The following SH2B2 variants were observed in gnomAD, a reference collection of about 807,000 sequenced individuals.
The protein encoded by SH2B2 is SH2B adaptor protein 2.
A neutral mutation model predicts 35.7 loss-of-function variants in SH2B2; 37 were observed. That is an observed-to-expected ratio of 1.04 (90% confidence interval 0.80 to 1.36). The LOEUF is 1.36. Ranked by LOEUF, SH2B2 falls within the 40% of genes most tolerant of loss-of-function variation. SH2B2 has a pLI of 0.00. For missense variants in SH2B2, 852 were observed against 817.7 expected (o/e 1.04, Z -0.51); for synonymous variants, 383 against 376.4 (o/e 1.02, Z -0.20).
chr7:102,304,320 C>G (rs1011369928), intron 2 of SH2B2, among the ~76,000 whole-genome samples: 4 of 152,192 alleles, frequency 2.6e-5, no homozygotes, highest in African/African-American at 7.2e-5. Flanking sequence ...TGCCTCCTCA[C>G]CCCTGCAGGA....
intron 8 of SH2B2, among the ~76,000 whole-genome samples, chr7:102,320,996 T>G (rs1403866780): frequency 6.6e-6 from 1 of 152,142 alleles, no homozygotes; most frequent in Non-Finnish European, 1.5e-5. Flanking sequence ...CATGAGCGTG[T>G]GCATGCGTGC....
At chr7:102,318,553 C>T (rs782799676) in intron 7 of SH2B2, among the ~76,000 whole-genome samples, 20 of 152,184 alleles carry the variant, frequency 1.3e-4, no homozygotes, top group African/African-American at 4.3e-4. Flanking sequence ...CCCAGGTTTC[C>T]GATAAGGAAA....
At chr7:102,301,588 G>T (rs2077035) in intron 2 of SH2B2, among the ~76,000 whole-genome samples, 8 of 151,566 alleles carry the variant, frequency 5.3e-5, no homozygotes, top group Admixed American at 1.3e-4. Context: ...GTGTGCGCGC[G>T]CGTGTGTGTG....
intron 1 of SH2B2, among the ~76,000 whole-genome samples, chr7:102,294,355 G>A (rs782500165): frequency 1.3e-5 from 2 of 152,186 alleles, no homozygotes; most frequent in Non-Finnish European, 2.9e-5. Context: ...ACGGTCTAAA[G>A]GGAGGGGAGA....
intron 1 of SH2B2, among the ~76,000 whole-genome samples, chr7:102,292,232 A>G (rs1259034562): frequency 1.3e-5 from 2 of 151,790 alleles, no homozygotes; most frequent in East Asian, 1.9e-4. Flanking sequence ...CTACCAAAAT[A>G]TCAAAAAATT....
At chr7:102,291,792 A>G (rs1365620822) in intron 1 of SH2B2, among the ~76,000 whole-genome samples, 2 of 152,170 alleles carry the variant, frequency 1.3e-5, no homozygotes, top group African/African-American at 4.8e-5. Flanking sequence ...TGAAGCAGAG[A>G]CTGCGCTGTG....
chr7:102,312,676 C>G (rs961860164), intron 4 of SH2B2, among the ~76,000 whole-genome samples: 1 of 151,862 alleles, frequency 6.6e-6, no homozygotes, highest in East Asian at 1.9e-4. Flanking sequence ...TTCCTTCTTC[C>G]GTTTCTTTCT....
At chr7:102,317,417 TG>T in intron 7 of SH2B2, 22 bp downstream of exon 7, 5 of 1,541,176 alleles carry the variant, frequency 3.2e-6, no homozygotes, top group Non-Finnish European at 4.4e-6. Flanking sequence ...GGGGGCGCCA[TG>T]GGGGTGCAGT....
chr7:102,286,842 G>A (rs1405539104), upstream of SH2B2: 6 of 23,722 alleles, frequency 2.5e-4, no homozygotes, highest in African/African-American at 3.6e-4. Context: ...GGGGCCGGGA[G>A]GCGCGCGCCT....
upstream of SH2B2, chr7:102,285,361 C>A: frequency 2.5e-6 from 2 of 807,568 alleles, no homozygotes; most frequent in Admixed American, 2.0e-5. Context: ...GGCACCCCCT[C>A]CTCCCCCTTC....
intron 7 of SH2B2, among the ~76,000 whole-genome samples, chr7:102,319,059 G>T (rs376139456): frequency 6.6e-6 from 1 of 152,154 alleles, no homozygotes; most frequent in Non-Finnish European, 1.5e-5. Context: ...ACTGCCCCAG[G>T]CCTGATAAGT....
chr7:102,309,604 G>GC, intron 4 of SH2B2: 1 of 249,742 alleles, frequency 4.0e-6, no homozygotes, highest in East Asian at 1.5e-4. Flanking sequence ...CAAGTGATCC[G>GC]CCCAACTCAG....
chr7:102,296,044 C>G (rs1265471080), intron 1 of SH2B2, among the ~76,000 whole-genome samples: 1 of 152,186 alleles, frequency 6.6e-6, no homozygotes, highest in African/African-American at 2.4e-5. Flanking sequence ...TCCCCTCCCC[C>G]AGTACCAAGG....
chr7:102,311,644 G>A (rs1279841843), intron 4 of SH2B2, among the ~76,000 whole-genome samples: 2 of 144,958 alleles, frequency 1.4e-5, no homozygotes, highest in South Asian at 2.3e-4. Context: ...CAAGAGACCC[G>A]CCTGCCTCGG....
Position 102,301,199 on chromosome 7 carries a change from C to A in SH2B2, c.649C>A (p.Gln217Lys). The A allele has an allele frequency of 6.3e-7, 1 of 1,591,880 alleles. No homozygotes were observed. Among genetic ancestry groups the A allele is most frequent in the Non-Finnish European group, 8.5e-7 (1 of 1,171,006 alleles). The change falls in exon 2 of 9, where the codon CAG (glutamine) becomes AAG (lysine). Residue 217 changes from glutamine (Q) to lysine (K), a missense_variant. Gln to Lys is a moderately conservative substitution (Grantham distance 53, BLOSUM62 1). Coordinates refer to ENST00000444095, the MANE Select transcript of SH2B2 (RefSeq NM_001359228.2). ...DAAAGSGGSAQWQKCRLLLRR... is the reference protein window; with the variant it reads ...DAAAGSGGSAKWQKCRLLLRR... ...GGCCGCGGGCTCCGGGGGCTCGGCT[C>A]AGTGGCAGAAGTGCCGCCTGCTCCT...
chr7:102,307,110 C>T (rs892391895), intron 3 of SH2B2, among the ~76,000 whole-genome samples: 4 of 152,252 alleles, frequency 2.6e-5, no homozygotes, highest in Non-Finnish European at 4.4e-5. Context: ...CACTTCCTGC[C>T]CTCCCTTCCC....
rs1288971836 is a variant in SH2B2, at chr7:102,321,418, G to A, written c.1687G>A (p.Ala563Thr). 3.8e-6 allele frequency: 5 copies of A among 1,328,310 alleles called. No homozygotes were observed. In the South Asian group the frequency reaches 5.2e-5, roughly 14 times the overall value. The allele number at this position is 1,328,310 out of a possible 1,614,324, so 82.3% of individuals were successfully genotyped here. A position where few individuals can be genotyped will look rare whatever the true frequency, so the allele number is the denominator to read the frequency against. ...AACPPASPSD[A>T]AGASSSSASS... ...CTGCCCGCCTGCCTCGCCCTCCGACGCCGCCGGCGCCTCCTCGTCTTCCGC... is the reference window on the plus strand; with the variant it reads ...CTGCCCGCCTGCCTCGCCCTCCGACACCGCCGGCGCCTCCTCGTCTTCCGC... The change falls in exon 9 of 9, where the codon GCC (alanine) becomes ACC (threonine). Residue 563 changes from alanine to threonine, a missense_variant. By Grantham distance (58) the Ala-to-Thr change is moderately conservative. Transcript: ENST00000444095.
chr7:102,319,801 G>A (rs1445037985), intron 7 of SH2B2, among the ~76,000 whole-genome samples: 7 of 152,136 alleles, frequency 4.6e-5, no homozygotes, highest in African/African-American at 1.7e-4. Flanking sequence ...CTAGAGAGAA[G>A]CCAGCCCTGT....
At chr7:102,316,323 C>G (rs1793826443) in intron 6 of SH2B2, among the ~76,000 whole-genome samples, 1 of 151,686 alleles carries the variant, frequency 6.6e-6, no homozygotes, top group Non-Finnish European at 1.5e-5. Context: ...CGCAGTGGCT[C>G]ACACCTGTAA....
Sources: allele counts gnomAD v4.1 joint callset (sites outside exome capture counted in the v4.1 genomes callset), GRCh38; gene constraint gnomAD v4.1.1; transcripts MANE v1.5; gene names NCBI Gene and HGNC (gene_info 2026-07-23, HGNC 2026-07-21).